The following RIMS1 variants were observed in gnomAD, a reference collection of about 807,000 sequenced individuals.
The protein encoded by RIMS1 is regulating synaptic membrane exocytosis 1.
In RIMS1, 83 loss-of-function variants were observed where a neutral mutation model predicts 214.1. That is an observed-to-expected ratio of 0.39 (90% CI 0.32 to 0.47). The LOEUF is 0.47. Ranked by LOEUF, RIMS1 falls within the 20% of genes least tolerant of loss-of-function variation. The probability of loss-of-function intolerance (pLI) is 0.99; values close to 1 mark genes in which losing one functional copy is unlikely to be tolerated. For missense variants in RIMS1, 2,050 were observed against 2,161.8 expected (o/e 0.95, Z 1.03); for synonymous variants, 793 against 786.8 (o/e 1.01, Z -0.13).
intron 4 of RIMS1, among the ~76,000 whole-genome samples, chr6:72,121,636 C>A (rs2038342035): frequency 6.6e-6 from 1 of 151,814 alleles, no homozygotes; most frequent in African/African-American, 2.4e-5. Flanking sequence ...TAATTGAATA[C>A]CCTTTATTTC....
chr6:72,355,108 G>T (rs928368129), intron 29 of RIMS1, among the ~76,000 whole-genome samples: 6 of 152,010 alleles, frequency 3.9e-5, no homozygotes, highest in African/African-American at 1.4e-4. Context: ...CTTAACTAAA[G>T]TTTTATTTTC....
intron 1 of RIMS1, among the ~76,000 whole-genome samples, chr6:71,956,211 C>T (rs533464468): frequency 5.3e-5 from 8 of 152,126 alleles, no homozygotes; most frequent in Non-Finnish European, 1.0e-4. Flanking sequence ...AATTTTCCCA[C>T]GTATCTAATT....
At chr6:71,916,772 C>T (rs1021908907) in intron 1 of RIMS1, among the ~76,000 whole-genome samples, 12 of 151,990 alleles carry the variant, frequency 7.9e-5, no homozygotes, top group African/African-American at 2.7e-4. Context: ...ACACTGAGCT[C>T]GTTTATTCTA....
At chr6:72,112,488 A>C (rs1458371767) in intron 4 of RIMS1, among the ~76,000 whole-genome samples, 4 of 151,918 alleles carry the variant, frequency 2.6e-5, no homozygotes, top group Non-Finnish European at 5.9e-5. Context: ...CATCATCTGT[A>C]CTCCACACAT....
chr6:72,212,985 C>T, intron 6 of RIMS1: 1 of 1,426,878 alleles, frequency 7.0e-7, no homozygotes, highest in South Asian at 1.6e-5. Flanking sequence ...TTCTGCTGGT[C>T]CTGTTGTTCA....
At chr6:72,067,126 C>T (rs1440346284) in intron 2 of RIMS1, among the ~76,000 whole-genome samples, 1 of 152,092 alleles carries the variant, frequency 6.6e-6, no homozygotes, top group Admixed American at 6.6e-5. Flanking sequence ...TCCTCCTGCC[C>T]CTAGAAAAAG....
intron 2 of RIMS1, among the ~76,000 whole-genome samples, chr6:71,969,536 C>T (rs763127507): frequency 2.6e-5 from 4 of 152,094 alleles, no homozygotes; most frequent in South Asian, 2.1e-4. Flanking sequence ...CGGCTGGGCA[C>T]GGTGGCTCAT....
chr6:72,096,957 A>C lies in RIMS1; in HGVS notation c.254A>C (p.His85Pro). Residue 85 changes from histidine to proline, a missense_variant, in exon 3 of 34, where the codon CAT becomes CCT. By Grantham distance (77) the His-to-Pro change is moderately conservative (BLOSUM62 -2). Around this residue, in one of 6 missense-constraint regions of RIMS1, gnomAD observed 882 missense variants for 828.9 expected, o/e 1.06. Transcript: ENST00000521978. ...NQPHQPSPRL[H>P]QQFESYKEQV... ...TTTTCTCTTTTGCCTAGGAGATTGCATCAACAGTTTGAAAGCTATAAGGAA... is the reference window on the plus strand; with the variant it reads ...TTTTCTCTTTTGCCTAGGAGATTGCCTCAACAGTTTGAAAGCTATAAGGAA... 6.2e-7 allele frequency: 1 copy of C among 1,613,154 alleles called. No homozygotes were observed. The highest frequency in any genetic ancestry group is 8.5e-7 in the Non-Finnish European group (1 of 1,179,434).
chr6:72,187,708 G>A (rs533892325), intron 6 of RIMS1, among the ~76,000 whole-genome samples: 4 of 152,012 alleles, frequency 2.6e-5, no homozygotes, highest in Non-Finnish European at 5.9e-5. Flanking sequence ...TGGTCAGGAT[G>A]GTCTTGATCT....
chr6:72,153,550 A>G (rs1347174460), intron 4 of RIMS1, among the ~76,000 whole-genome samples: 1 of 152,170 alleles, frequency 6.6e-6, no homozygotes, highest in Non-Finnish European at 1.5e-5. Flanking sequence ...ACTGAAGTAA[A>G]TAATCTATAG....
intron 2 of RIMS1, among the ~76,000 whole-genome samples, chr6:71,970,447 T>G (rs1164311376): frequency 6.6e-6 from 1 of 152,184 alleles, no homozygotes; most frequent in Non-Finnish European, 1.5e-5. Context: ...TAAAATCTCT[T>G]TATATTCCAC....
At chr6:72,261,798 A>G (rs1387595522) in intron 19 of RIMS1, 4 of 984,884 alleles carry the variant, frequency 4.1e-6, no homozygotes, top group Non-Finnish European at 4.8e-6. Flanking sequence ...CTGAAGTTAT[A>G]CTACTCATAA....
At chr6:72,247,121 G>GT (rs1360638335) in intron 11 of RIMS1, among the ~76,000 whole-genome samples, 2 of 152,106 alleles carry the variant, frequency 1.3e-5, no homozygotes, top group Admixed American at 1.3e-4. Flanking sequence ...TAAACACTCT[G>GT]TATTGCTCTC....
At chr6:72,101,598 G>A (rs1353236575) in intron 4 of RIMS1, among the ~76,000 whole-genome samples, 1 of 151,854 alleles carries the variant, frequency 6.6e-6, no homozygotes, top group African/African-American at 2.4e-5. Flanking sequence ...TGGTATGGGT[G>A]GAAAGGGAAG....
intron 2 of RIMS1, among the ~76,000 whole-genome samples, chr6:72,001,673 T>C (rs1172863390): frequency 6.6e-6 from 1 of 152,190 alleles, no homozygotes; most frequent in African/African-American, 2.4e-5. Context: ...AAACTTTGAC[T>C]AATCTAATAC....
intron 29 of RIMS1, among the ~76,000 whole-genome samples, chr6:72,336,040 G>T (rs2096833742): frequency 6.6e-6 from 1 of 151,736 alleles, no homozygotes. Context: ...GGTGGAGAAG[G>T]TTTTGACCAC....
At chr6:72,252,097 T>G (rs2073643555) in intron 15 of RIMS1, among the ~76,000 whole-genome samples, 1 of 152,180 alleles carries the variant, frequency 6.6e-6, no homozygotes, top group African/African-American at 2.4e-5. Context: ...ATCTAGTGAT[T>G]GGGAAAAGCT....
chr6:71,937,490 C>A lies in RIMS1; in HGVS notation c.165-31493C>A, dbSNP rs563043504. Among the ~76,000 whole-genome samples the A allele has an allele frequency of 3.5e-4, 54 of 152,232 alleles. No individual in the cohort carries two copies. The South Asian group carries it at 0.011, about 31-fold the overall frequency. On this transcript the variant is annotated intron_variant, in intron 1 of 33. Transcript: ENST00000521978. Reference sequence around the variant, plus strand: ...CTGGTTTCAAACTCCTGGGCTCAAGCAGTCTGCCTTCCTGGGCCTCCCAAA... The same window carrying A: ...CTGGTTTCAAACTCCTGGGCTCAAGAAGTCTGCCTTCCTGGGCCTCCCAAA...
At position 71,886,898 on chromosome 6, in the gene RIMS1, C is replaced by T; in HGVS notation, c.-126C>T. Reference sequence around the variant, plus strand: ...GCTGCTGCTGCTGCCGCCGCCGCCGCTGCTCCTCCTCCTGCCGCCGCCGCT... The same window carrying T: ...GCTGCTGCTGCTGCCGCCGCCGCCGTTGCTCCTCCTCCTGCCGCCGCCGCT... On this transcript the variant is annotated 5_prime_UTR_variant, in exon 1 of 34. Transcript: ENST00000521978. 1.8e-6 allele frequency: 2 copies of T among 1,085,406 alleles called. No homozygotes were observed. Among genetic ancestry groups the T allele is most frequent in the Non-Finnish European group, 2.7e-6 (2 of 751,042 alleles). 67.2% of individuals were successfully genotyped at this position (1,085,406 alleles called of 1,614,324 possible).
Sources: allele counts gnomAD v4.1 joint callset (sites outside exome capture counted in the v4.1 genomes callset), GRCh38; gene constraint gnomAD v4.1.1; regional missense constraint gnomAD v4.1.1; transcripts MANE v1.5; gene names NCBI Gene and HGNC (gene_info 2026-07-23, HGNC 2026-07-21).